ATP2C2: variants seen among roughly 807,000 people sequenced by gnomAD.
ATP2C2 encodes calcium-transporting ATPase type 2C member 2.
A neutral mutation model predicts 110.8 loss-of-function variants in ATP2C2; 171 were observed. The observed-to-expected ratio is 1.54, with a 90% confidence interval of 1.36 to 1.75. The LOEUF (loss-of-function observed/expected upper bound fraction) is 1.75. Ranked by LOEUF, ATP2C2 falls within the 40% of genes most tolerant of loss-of-function variation. The probability of loss-of-function intolerance (pLI) is 0.00; values close to 1 mark genes in which losing one functional copy is unlikely to be tolerated. For missense variants in ATP2C2, 1,963 were observed against 1,235.0 expected (o/e 1.59, Z -8.84); for synonymous variants, 804 against 508.4 (o/e 1.58, Z -7.82).
intron 13 of ATP2C2, 106 bp from the exon 14 acceptor site, chr16:84,440,751 T>G (rs539249339): frequency 7.3e-4 from 593 of 809,408 alleles, no homozygotes; most frequent in Non-Finnish European, 1.1e-3. Flanking sequence ...TGTCCACGTT[T>G]AGGATTGTGT....
chr16:84,390,467 A>G (rs1476387193), intron 1 of ATP2C2, among the ~76,000 whole-genome samples: 2 of 152,180 alleles, frequency 1.3e-5, no homozygotes, highest in African/African-American at 4.8e-5. Context: ...GGGGCTAGGG[A>G]GGCTGCGCTC....
chr16:84,382,671 A>C (rs1225135231), intron 1 of ATP2C2, among the ~76,000 whole-genome samples: 1 of 152,200 alleles, frequency 6.6e-6, no homozygotes, highest in Non-Finnish European at 1.5e-5. Flanking sequence ...AGGCGAGAGG[A>C]TCACTTGAGG....
At chr16:84,396,549 CAAAAAA>C (rs57290176) in intron 1 of ATP2C2, among the ~76,000 whole-genome samples, 41 of 74,790 alleles carry the variant, frequency 5.5e-4, no homozygotes, top group Admixed American at 1.4e-3. Flanking sequence ...GGCTCTATCT[CAAAAAA>C]AAAAAAAAAA....
intron 6 of ATP2C2, among the ~76,000 whole-genome samples, chr16:84,412,422 G>T (rs1906430290): frequency 6.6e-6 from 1 of 150,806 alleles, no homozygotes; most frequent in Non-Finnish European, 1.5e-5. Context: ...GTCTGTGTAT[G>T]TGTGTGCGTG....
chr16:84,393,974 G>A, intron 1 of ATP2C2, among the ~76,000 whole-genome samples: 1 of 149,144 alleles, frequency 6.7e-6, no homozygotes, highest in African/African-American at 2.5e-5. Context: ...TGGGCAACAT[G>A]GCAAAACCTT....
intron 1 of ATP2C2, among the ~76,000 whole-genome samples, chr16:84,371,116 C>T (rs1222235001): frequency 6.6e-6 from 1 of 152,110 alleles, no homozygotes; most frequent in Non-Finnish European, 1.5e-5. Flanking sequence ...ACTGGAGAAT[C>T]AAAGAGTAGA....
At chr16:84,368,750 C>A in intron 1 of ATP2C2, 36 bp downstream of exon 1, 1 of 1,456,666 alleles carries the variant, frequency 6.9e-7, no homozygotes, top group Non-Finnish European at 9.2e-7. Flanking sequence ...GCGTGCGACC[C>A]GACCCCCCAT....
rs76178368 is a variant in ATP2C2 at position 84,379,468 on chromosome 16, T to C, written c.99+10754T>C. ...GGCGTGAGCCACTGTGCCTGGCTGATCCTTTCTTTTGATGACATGTCCTCC... is the reference window on the plus strand; with the variant it reads ...GGCGTGAGCCACTGTGCCTGGCTGACCCTTTCTTTTGATGACATGTCCTCC... On this transcript the variant is annotated intron_variant, in intron 1 of 26. Transcript: ENST00000262429. Among the ~76,000 whole-genome samples the C allele has an allele frequency of 6.7e-3, 1,025 of 152,296 alleles. 9 individuals carry two copies. The highest frequency in any genetic ancestry group is 0.014 in the Middle Eastern group (4 of 294).
chr16:84,394,853 CATCTGACCTT>C (rs1340967248), intron 1 of ATP2C2, among the ~76,000 whole-genome samples: 1 of 152,140 alleles, frequency 6.6e-6, no homozygotes. Context: ...TATTTGACCT[CATCTGACCTT>C]GATCATTTCT....
chr16:84,462,507 G>C (rs2241637), intron 26 of ATP2C2: 42,852 of 183,750 alleles, frequency 0.23, 5,733 homozygotes, highest in Non-Finnish European at 0.29. Flanking sequence ...GGCCAGTAAT[G>C]TGACTTAGAG....
chr16:84,418,837 G>C (rs1333159919), intron 7 of ATP2C2, among the ~76,000 whole-genome samples: 1 of 152,172 alleles, frequency 6.6e-6, no homozygotes, highest in Admixed American at 6.5e-5. Context: ...CTTACTTAGG[G>C]GCTTAAAACA....
chr16:84,460,743 A>C lies in ATP2C2; in HGVS notation c.2423A>C (p.Lys808Thr). The C allele has an allele frequency of 1.9e-6, 3 of 1,614,126 alleles. No homozygotes were observed. The highest frequency in any genetic ancestry group is 2.5e-6 in the Non-Finnish European group (3 of 1,179,988). ...ATCCTCAGCAGAGCCCTCATCCTGAAGATCCTCATGTCCGCGGCCATCATC... is the reference window on the plus strand; with the variant it reads ...ATCCTCAGCAGAGCCCTCATCCTGACGATCCTCATGTCCGCGGCCATCATC... Reference protein sequence around the residue: ...DTILSRALILKILMSAAIIIS... With the variant: ...DTILSRALILTILMSAAIIIS... The change falls in exon 24 of 27, where the codon AAG becomes ACG. Residue 808 changes from lysine to threonine, a missense_variant. Physicochemically the swap from Lys to Thr is moderately conservative, Grantham distance 78. Coordinates refer to ENST00000262429, the MANE Select transcript of ATP2C2 (RefSeq NM_014861.4).
chr16:84,380,748 T>G (rs1480366853), intron 1 of ATP2C2, among the ~76,000 whole-genome samples: 1 of 152,220 alleles, frequency 6.6e-6, no homozygotes, highest in South Asian at 2.1e-4. Flanking sequence ...TTCTGTACAA[T>G]GGGGTAGTAA....
At position 84,425,729 on chromosome 16, in the gene ATP2C2, C is replaced by A; in HGVS notation, c.920-6C>A. On this transcript the variant is annotated splice_polypyrimidine_tract_variant and splice_region_variant and intron_variant, in intron 10 of 26. Coordinates refer to ENST00000262429, the MANE Select transcript of ATP2C2 (RefSeq NM_014861.4). Reference sequence around the variant, plus strand: ...GGAGATAAGGATGTTTTTGTCTCTTCCCCAGGTCTCATCATGCTCATTGGC... The same window carrying A: ...GGAGATAAGGATGTTTTTGTCTCTTACCCAGGTCTCATCATGCTCATTGGC... 6.2e-7 allele frequency: 1 copy of A among 1,613,980 alleles called. No homozygotes were observed.
intron 2 of ATP2C2, chr16:84,404,842 T>C (rs897193453): frequency 2.0e-5 from 8 of 393,350 alleles, no homozygotes; most frequent in African/African-American, 1.7e-4. Context: ...GAAGAAAAGA[T>C]GTGTTTCTGC....
Position 84,459,315 on chromosome 16 carries a change from C to G in ATP2C2, c.2262C>G (p.Asn754Lys), listed in dbSNP as rs764097311. Reference sequence around the variant, plus strand: ...TCATCACTCTGTCCACCGTGTTCAACCTGCCCAGCCCCCTCAACGCCATGC... The same window carrying G: ...TCATCACTCTGTCCACCGTGTTCAAGCTGCCCAGCCCCCTCAACGCCATGC... The part of the protein sequence containing the change: ...LSLITLSTVF[N>K]LPSPLNAMQI... Residue 754 changes from asparagine (N) to lysine (K), a missense_variant, in exon 23 of 27, where the codon AAC becomes AAG. Physicochemically the swap from Asn to Lys is moderately conservative, Grantham distance 94 (BLOSUM62 0). Transcript: ENST00000262429. 3.1e-6 allele frequency: 5 copies of G among 1,614,104 alleles called. No individual in the cohort carries two copies. The highest frequency in any genetic ancestry group is 3.3e-5 in the Admixed American group (2 of 60,010).
intron 11 of ATP2C2, among the ~76,000 whole-genome samples, chr16:84,428,923 G>T (rs1423292645): frequency 2.0e-5 from 3 of 152,194 alleles, no homozygotes; most frequent in Admixed American, 6.5e-5. Flanking sequence ...AAATGATGCA[G>T]TGGTGCTGTA....
Position 84,422,700 on chromosome 16 carries a change from A to G in ATP2C2, c.843+3A>G. On this transcript the variant is annotated splice_donor_region_variant and intron_variant, in intron 9 of 26. Transcript: ENST00000262429. ...TTAAGATGATGCAGGCTGAAGAGGT[A>G]AGGGGCAGGAGGGGGCTTCGGGACT... is the stretch of plus-strand genomic sequence containing the variant. The G allele has an allele frequency of 1.2e-6, 2 of 1,609,870 alleles. No homozygotes were observed. The highest frequency in any genetic ancestry group is 1.7e-6 in the Non-Finnish European group (2 of 1,178,594).
chr16:84,412,920 A>C (rs35571415), intron 6 of ATP2C2, among the ~76,000 whole-genome samples: 3 of 147,614 alleles, frequency 2.0e-5, no homozygotes, highest in Non-Finnish European at 4.5e-5. Flanking sequence ...ACATGGTGAA[A>C]CTCTGTCTCT....
Sources: gnomAD v4.1 joint callset for allele counts (sites outside exome capture counted in the v4.1 genomes callset) on GRCh38, gnomAD v4.1.1 for gene constraint, MANE v1.5 for transcripts, NCBI Gene and HGNC (gene_info 2026-07-23, HGNC 2026-07-21) for gene names.